The following PARP14 variants were observed in gnomAD, a reference collection of about 807,000 sequenced individuals.
PARP14 encodes poly(ADP-ribose) polymerase family member 14, also known as protein mono-ADP-ribosyltransferase PARP14.
A neutral mutation model predicts 154.2 loss-of-function variants in PARP14; 59 were observed. The ratio of observed to expected loss-of-function variants is 0.38; its 90% CI spans 0.31 to 0.48. The LOEUF (loss-of-function observed/expected upper bound fraction) is 0.48. Among genes scored for constraint, PARP14 ranks in the 20% least tolerant of loss-of-function variants. The probability of loss-of-function intolerance (pLI) is 0.98; values close to 1 mark genes in which losing one functional copy is unlikely to be tolerated. For synonymous variants in PARP14, 720 were observed against 780.5 expected (o/e 0.92, Z 1.29); for missense variants, 1,734 against 2,131.6 (o/e 0.81, Z 3.67).
intron 16 of PARP14, among the ~76,000 whole-genome samples, 152 bp downstream of exon 16, chr3:122,728,138 A>G (rs1001127446): frequency 6.6e-6 from 1 of 152,186 alleles, no homozygotes; most frequent in Non-Finnish European, 1.5e-5. Flanking sequence ...ATTTCATCCC[A>G]AAGGGGATTG....
chr3:122,725,991 G>A (rs1269712529), intron 15 of PARP14, among the ~76,000 whole-genome samples: 3 of 152,022 alleles, frequency 2.0e-5, no homozygotes, highest in Admixed American at 2.0e-4. Context: ...TTATTGAACT[G>A]TAATGTAAAT....
intron 6 of PARP14, among the ~76,000 whole-genome samples, chr3:122,703,328 A>G (rs1383394235): frequency 6.6e-6 from 1 of 152,170 alleles, no homozygotes; most frequent in Non-Finnish European, 1.5e-5. Flanking sequence ...AGCCTGGAGC[A>G]TACCATTTTG....
At chr3:122,686,702 A>G (rs1938385613) in intron 2 of PARP14, 1 of 170,600 alleles carries the variant, frequency 5.9e-6, no homozygotes, top group Non-Finnish European at 1.2e-5. Flanking sequence ...CCTGGCCTCA[A>G]GCGATCCTCC....
chr3:122,699,015 T>C (rs1938865731), intron 5 of PARP14, among the ~76,000 whole-genome samples: 1 of 152,222 alleles, frequency 6.6e-6, no homozygotes, highest in Non-Finnish European at 1.5e-5. Context: ...AGGAAAACAG[T>C]AAACAGAATT....
chr3:122,687,305 T>A (rs1938403175), intron 3 of PARP14, among the ~76,000 whole-genome samples, 192 bp downstream of exon 3: 1 of 152,192 alleles, frequency 6.6e-6, no homozygotes. Flanking sequence ...AGCGCTCAGG[T>A]CATAATGATT....
chr3:122,716,280 C>T (rs1932992720), intron 12 of PARP14, among the ~76,000 whole-genome samples: 1 of 152,192 alleles, frequency 6.6e-6, no homozygotes, highest in Non-Finnish European at 1.5e-5. Flanking sequence ...CCCAAACCTG[C>T]CCTTCCTCTT....
Position 122,718,274 on chromosome 3 carries a change from G to C in PARP14, c.4204G>C (p.Ala1402Pro), listed in dbSNP as rs763092494. Residue 1402 changes from alanine (A) to proline (P), a missense_variant, in exon 13 of 17, where the codon GCA becomes CCA. Ala to Pro is a conservative substitution (Grantham distance 27). Coordinates refer to ENST00000474629, the MANE Select transcript of PARP14 (RefSeq NM_017554.3). ...CCAACAGTCTGTGATGTCTAAACTT[G>C]CATGTGAGTTCTTTGTTTTTATGAA... The part of the protein sequence containing the change: ...SSQQSVMSKL[A>P]SFLGFSKQSP... 1 of 1,613,102 alleles carries C rather than the reference G, an allele frequency of 6.2e-7. No homozygotes were observed. The highest frequency in any genetic ancestry group is 8.5e-7 in the Non-Finnish European group (1 of 1,179,384).
At position 122,713,446 on chromosome 3, in the gene PARP14, C is replaced by T. The variant is rs1411191545; in HGVS notation, c.3642C>T (p.Ser1214=). 1.9e-6 allele frequency: 3 copies of T among 1,612,340 alleles called. No homozygotes were observed. The highest frequency in any genetic ancestry group is 2.5e-6 in the Non-Finnish European group (3 of 1,179,024). The part of the protein sequence containing the change: ...DTQGFYGTVS[S]PDSGVYEMKI... ...CAGGTTTTTATGGGACTGTTTCTAGCCCTGATTCAGGTGTGTATGAAATGA... is the reference window on the plus strand; with the variant it reads ...CAGGTTTTTATGGGACTGTTTCTAGTCCTGATTCAGGTGTGTATGAAATGA... The change falls in exon 10 of 17, where the codon AGC becomes AGT. Residue 1214 remains serine (S), a synonymous_variant. Transcript: ENST00000474629.
chr3:122,704,769 G>A, intron 8 of PARP14, 21 bp downstream of exon 8: 2 of 1,432,890 alleles, frequency 1.4e-6, no homozygotes, highest in Non-Finnish European at 1.9e-6. Flanking sequence ...ACTAATTTCT[G>A]ATTATTTTGG....
chr3:122,713,608 T>G, intron 10 of PARP14, 35 bp downstream of exon 10: 1 of 1,583,602 alleles, frequency 6.3e-7, no homozygotes, highest in Non-Finnish European at 8.6e-7. Context: ...CAATAGTTAA[T>G]GGTAGATGCT....
In PARP14 at chr3:122,695,402, T is replaced by G. The variant is rs200680909; in HGVS notation, c.599-24T>G. 6 of 1,166,122 alleles carry G rather than the reference T, an allele frequency of 5.1e-6. No homozygotes were observed. The East Asian group carries it at 1.5e-4, about 29-fold the overall frequency. 72.2% of individuals were successfully genotyped at this position (1,166,122 alleles called of 1,614,324 possible). A position where few individuals can be genotyped will look rare whatever the true frequency, so the allele number is the denominator to read the frequency against. On this transcript the variant is annotated intron_variant, in intron 4 of 16. Transcript: ENST00000474629. Reference sequence around the variant, plus strand: ...ATACAATAAAAATTTACTGATTTTCTTTCTTTTTTTTTTTGGTTTGTAGAT... The same window carrying G: ...ATACAATAAAAATTTACTGATTTTCGTTCTTTTTTTTTTTGGTTTGTAGAT...
chr3:122,706,137 T>C (rs921647673), intron 8 of PARP14, among the ~76,000 whole-genome samples: 1 of 152,228 alleles, frequency 6.6e-6, no homozygotes, highest in African/African-American at 2.4e-5. Context: ...AATATCACTC[T>C]TTTTCATGCA....
intron 11 of PARP14, 131 bp downstream of exon 11, chr3:122,714,065 AT>A: frequency 1.2e-6 from 1 of 801,032 alleles, no homozygotes; most frequent in South Asian, 1.7e-5. Context: ...AAGAATTCCA[AT>A]CACAGACACT....
At chr3:122,721,294 A>G (rs1334619868) in intron 15 of PARP14, 1 of 181,586 alleles carries the variant, frequency 5.5e-6, no homozygotes, top group African/African-American at 2.4e-5. Context: ...GGCCTAAAAA[A>G]ATCTCCACTT....
intron 6 of PARP14, among the ~76,000 whole-genome samples, chr3:122,703,219 G>A (rs1939042941): frequency 1.3e-5 from 2 of 152,068 alleles, no homozygotes; most frequent in Non-Finnish European, 1.5e-5. Flanking sequence ...CACATTCACT[G>A]ATGAAAAAGC....
intron 2 of PARP14, 139 bp from the exon 3 acceptor site, chr3:122,686,941 G>A (rs965243136): frequency 1.9e-5 from 12 of 617,378 alleles, no homozygotes; most frequent in South Asian, 6.1e-5. Flanking sequence ...GGCCCCAGAT[G>A]TATTCAAGAG....
rs372392967 is a variant in PARP14, at chr3:122,718,770, A to G, written c.4619A>G (p.Asn1540Ser). 5.0e-6 allele frequency: 8 copies of G among 1,613,622 alleles called. No individual in the cohort carries two copies. The highest frequency in any genetic ancestry group is 1.3e-5 in the African/African-American group (1 of 74,892). Residue 1540 changes from asparagine to serine, a missense_variant, in exon 14 of 17, where the codon AAT becomes AGT. Asn to Ser is a conservative substitution (Grantham distance 46). Coordinates refer to ENST00000474629, the MANE Select transcript of PARP14 (RefSeq NM_017554.3). ...CISEFIEWQYNDNNTSHCFNK... is the reference protein window; with the variant it reads ...CISEFIEWQYSDNNTSHCFNK... ...AGTGAGTTTATAGAATGGCAGTATAATGACAATAACACTTCTCATTGTTTT... is the reference window on the plus strand; with the variant it reads ...AGTGAGTTTATAGAATGGCAGTATAGTGACAATAACACTTCTCATTGTTTT...
At chr3:122,702,285 C>A (rs149916993) in intron 6 of PARP14, among the ~76,000 whole-genome samples, 2 of 152,120 alleles carry the variant, frequency 1.3e-5, no homozygotes, top group South Asian at 2.1e-4. Flanking sequence ...GGCACCATCT[C>A]GGCTCACTGC....
intron 15 of PARP14, 68 bp downstream of exon 15, chr3:122,720,456 T>A: frequency 6.9e-7 from 1 of 1,441,588 alleles, no homozygotes; most frequent in Non-Finnish European, 9.6e-7. Flanking sequence ...CTATATAAAA[T>A]CCATTTTCAT....
Sources: allele counts gnomAD v4.1 joint callset (sites outside exome capture counted in the v4.1 genomes callset), GRCh38; gene constraint gnomAD v4.1.1; transcripts MANE v1.5; gene names NCBI Gene and HGNC (gene_info 2026-07-23, HGNC 2026-07-21).